Variants in FBRSL1 observed in about 807,000 individuals in gnomAD.
FBRSL1 encodes the protein fibrosin like 1.
FBRSL1 carries 51 observed loss-of-function variants against 89.6 expected under a neutral mutation model. The observed-to-expected ratio is 0.57, with a 90% CI of 0.45 to 0.72. The LOEUF (loss-of-function observed/expected upper bound fraction) is 0.72, where lower values mean the gene tolerates loss of function less well. FBRSL1 is among the 30% of genes least tolerant of loss of function. The pLI is 0.00. For missense variants in FBRSL1, 1,618 were observed against 1,451.8 expected (o/e 1.11, Z -1.86); for synonymous variants, 779 against 681.1 (o/e 1.14, Z -2.24).
In FBRSL1 at chr12:132,570,348, GC is replaced by G; in HGVS notation, c.1027del (p.Leu343TrpfsTer84). 2.6e-6 allele frequency: 4 copies of G among 1,531,004 alleles called. No individual in the cohort carries two copies. Among genetic ancestry groups the G allele is most frequent in the East Asian group, 2.5e-5 (1 of 40,520 alleles). 94.8% of individuals were successfully genotyped at this position (1,531,004 alleles called of 1,614,324 possible). On this transcript the variant is annotated frameshift_variant, in exon 8 of 19. Coordinates refer to ENST00000680143, the MANE Select transcript of FBRSL1 (RefSeq NM_001367871.1). LOFTEE classifies it high-confidence loss of function. Reference protein sequence around the residue: ...GLHGLSRSSSAPLGLGKHVSL... With the variant: ...GLHGLSRSSSXPLGLGKHVSL... The stretch of plus-strand genomic sequence containing the variant: ...CGTGTCCCGCAGCAGGAGCAGCAGC[GC>G]CCCCCTGGGCCTGGGGAAGCACGTG...
At chr12:132,580,040 T>G (rs1215000101) in intron 15 of FBRSL1, among the ~76,000 whole-genome samples, 2 of 152,198 alleles carry the variant, frequency 1.3e-5, no homozygotes, top group Non-Finnish European at 2.9e-5. Flanking sequence ...TGTCGTCTTT[T>G]TTCCTTCATT....
chr12:132,565,002 A>G (rs2039497166), intron 5 of FBRSL1: 1 of 152,072 alleles, frequency 6.6e-6, no homozygotes, highest in African/African-American at 2.4e-5. Flanking sequence ...GTCCCTTTTT[A>G]TCGTTTTAAC....
At chr12:132,537,700 C>T (rs921307441) in intron 4 of FBRSL1, among the ~76,000 whole-genome samples, 1 of 152,100 alleles carries the variant, frequency 6.6e-6, no homozygotes, top group Non-Finnish European at 1.5e-5. Flanking sequence ...AGTTGGGAGC[C>T]CCCACGAGGA....
intron 14 of FBRSL1, among the ~76,000 whole-genome samples, chr12:132,575,174 G>A (rs1435939474): frequency 1.6e-4 from 25 of 152,150 alleles, no homozygotes; most frequent in African/African-American, 6.0e-4. Flanking sequence ...ACACAACTCT[G>A]AAAAATCATT....
intron 5 of FBRSL1, among the ~76,000 whole-genome samples, chr12:132,561,381 G>A (rs190640624): frequency 6.6e-6 from 1 of 152,256 alleles, no homozygotes; most frequent in East Asian, 1.9e-4. Flanking sequence ...GCTTGTGTTC[G>A]AACCTGGGAC....
At position 132,584,194 on chromosome 12, in the gene FBRSL1, CTT is replaced by C. The variant is rs1482938655; in HGVS notation, c.*418_*419del. 1 of 152,312 alleles carries C rather than the reference CTT, an allele frequency of 6.6e-6. No individual in the cohort carries two copies. Among genetic ancestry groups the C allele is most frequent in the Non-Finnish European group, 1.5e-5 (1 of 68,090 alleles). The allele number at this position is 152,312 out of a possible 1,614,324, so 9.4% of individuals were successfully genotyped here. ...CTTATTTATGGAGAAAAACCGGTCA[CTT>C]TGTCCAGCGCACTGTGAGGCCCCCA... is the stretch of plus-strand genomic sequence containing the variant. On this transcript the variant is annotated 3_prime_UTR_variant, in exon 19 of 19. Transcript: ENST00000680143.
At chr12:132,561,318 G>A (rs1285485442) in intron 5 of FBRSL1, among the ~76,000 whole-genome samples, 1 of 152,192 alleles carries the variant, frequency 6.6e-6, no homozygotes, top group Non-Finnish European at 1.5e-5. Context: ...CCCCTTCCTT[G>A]CAGCCCTCTT....
chr12:132,537,111 C>G (rs1225689555), intron 4 of FBRSL1, among the ~76,000 whole-genome samples: 1 of 152,176 alleles, frequency 6.6e-6, no homozygotes, highest in Non-Finnish European at 1.5e-5. Context: ...CACAGGGGCC[C>G]CAGGTGGCCA....
intron 9 of FBRSL1, 78 bp from the exon 10 acceptor site, chr12:132,572,210 C>A: frequency 7.3e-7 from 1 of 1,375,818 alleles, no homozygotes; most frequent in South Asian, 1.3e-5. Flanking sequence ...CTGCCCAGCC[C>A]GGCCAGGTGG....
At chr12:132,551,584 C>G (rs1003723357) in intron 5 of FBRSL1, 9 of 456,186 alleles carry the variant, frequency 2.0e-5, no homozygotes, top group African/African-American at 1.6e-4. Context: ...CAGCTCCCAC[C>G]TGGCCAGCCA....
Position 132,546,956 on chromosome 12 carries a change from G to C in FBRSL1, c.616-1047G>C, listed in dbSNP as rs879388293. Among the ~76,000 whole-genome samples, 1 of 152,244 alleles carries C rather than the reference G, an allele frequency of 6.6e-6. No individual in the cohort carries two copies. ...GCATTAACCCAGTGGGCTCCACATA[G>C]GAGGGCGCCGCCCACACATCCGGCT... On this transcript the variant is annotated intron_variant, in intron 4 of 18. Coordinates refer to ENST00000680143, the MANE Select transcript of FBRSL1 (RefSeq NM_001367871.1). The surrounding 1 kb of genome is among the most constrained non-coding windows in gnomAD (Gnocchi z 4.0).
Position 132,581,839 on chromosome 12 carries a change from C to G in FBRSL1, c.1996+15C>G, listed in dbSNP as rs1212209711. On this transcript the variant is annotated intron_variant, in intron 17 of 18. Transcript: ENST00000680143. ...CCATGCACTGGGTGAGTGACCCAGC[C>G]TGTGCCCCCCTCCCCCGATGCCCGC... 1 of 1,527,574 alleles carries G rather than the reference C, an allele frequency of 6.5e-7. No homozygotes were observed. The highest frequency in any genetic ancestry group is 1.2e-5 in the South Asian group (1 of 81,222). The allele number at this position is 1,527,574 out of a possible 1,614,324, so 94.6% of individuals were successfully genotyped here.
chr12:132,576,438 C>G (rs1008617836), intron 14 of FBRSL1, among the ~76,000 whole-genome samples: 1 of 152,134 alleles, frequency 6.6e-6, no homozygotes, highest in Non-Finnish European at 1.5e-5. Flanking sequence ...GGTGATCCGC[C>G]CGTATCAGCC....
intron 4 of FBRSL1, among the ~76,000 whole-genome samples, chr12:132,544,825 ATGG>A (rs142675941): frequency 0.012 from 1,813 of 151,818 alleles, 46 homozygotes; most frequent in East Asian, 0.12. Context: ...GATGGTGAAA[ATGG>A]TGGTGAGGAT....
chr12:132,495,777 C>G (rs7315900), intron 1 of FBRSL1, among the ~76,000 whole-genome samples: 59,445 of 152,174 alleles, frequency 0.39, 11,912 homozygotes, highest in South Asian at 0.51. Flanking sequence ...GCTGGCCCCT[C>G]GGTCCACGTG....
rs1298958133 is a variant in FBRSL1 at position 132,525,721 on chromosome 12, C to T, written c.490-13C>T. The T allele has an allele frequency of 3.1e-5, 47 of 1,540,700 alleles. No homozygotes were observed. The highest frequency in any genetic ancestry group is 4.0e-5 in the Non-Finnish European group (45 of 1,138,252). ...TGGGGGTTTGCCTGAGACAGTGTCT[C>T]TCTCTGTCCCAGATGAAGGTCACCG... is the stretch of plus-strand genomic sequence containing the variant. On this transcript the variant is annotated splice_polypyrimidine_tract_variant and intron_variant, in intron 2 of 18. Coordinates refer to ENST00000680143, the MANE Select transcript of FBRSL1 (RefSeq NM_001367871.1).
intron 4 of FBRSL1, among the ~76,000 whole-genome samples, chr12:132,534,247 C>T (rs1319538384): frequency 6.6e-6 from 1 of 152,218 alleles, no homozygotes; most frequent in Non-Finnish European, 1.5e-5. Flanking sequence ...CCTCCATGGG[C>T]TGCGGGAGGG....
chr12:132,524,479 A>G (rs2035619323), intron 2 of FBRSL1, among the ~76,000 whole-genome samples: 1 of 152,242 alleles, frequency 6.6e-6, no homozygotes. Context: ...CAGGAGGTGC[A>G]CAGAGCGGGC....
chr12:132,549,781 G>A (rs796719272), intron 5 of FBRSL1, among the ~76,000 whole-genome samples: 1 of 152,210 alleles, frequency 6.6e-6, no homozygotes, highest in Non-Finnish European at 1.5e-5. Context: ...CAAGGGTAAC[G>A]CCAGCCTCCG....
Sources: allele counts gnomAD v4.1 joint callset (sites outside exome capture counted in the v4.1 genomes callset), GRCh38; gene constraint gnomAD v4.1.1; non-coding constraint Gnocchi (gnomAD v3.1); transcripts MANE v1.5; gene names NCBI Gene and HGNC (gene_info 2026-07-23, HGNC 2026-07-21).